The following KIAA1328 variants were observed in gnomAD, a reference collection of about 807,000 sequenced individuals.
KIAA1328 encodes KIAA1328.
A neutral mutation model predicts 68.1 loss-of-function variants in KIAA1328; 52 were observed. The observed-to-expected ratio is 0.76, with a 90% CI of 0.61 to 0.96. KIAA1328 has a LOEUF of 0.96. KIAA1328 is among the 40% of genes least tolerant of loss of function. The pLI is 0.00. For missense variants in KIAA1328, 641 were observed against 677.6 expected, an observed-to-expected ratio of 0.95 and a Z score of 0.60; for synonymous variants, 232 against 239.4, an observed-to-expected ratio of 0.97 and a Z score of 0.28.
intron 6 of KIAA1328, among the ~76,000 whole-genome samples, chr18:37,028,241 T>G (rs1418405045): frequency 6.6e-6 from 1 of 152,178 alleles, no homozygotes; most frequent in East Asian, 1.9e-4. Context: ...CTTATAGAGA[T>G]CTTTTACCTT....
chr18:37,046,468 T>G (rs2055473986), intron 6 of KIAA1328, among the ~76,000 whole-genome samples: 2 of 152,182 alleles, frequency 1.3e-5, no homozygotes, highest in Admixed American at 6.5e-5. Flanking sequence ...TGAGACTACT[T>G]AAAGCTCCTC....
chr18:37,095,699 A>G (rs2057384810), intron 7 of KIAA1328, among the ~76,000 whole-genome samples: 1 of 152,108 alleles, frequency 6.6e-6, no homozygotes, highest in Non-Finnish European at 1.5e-5. Context: ...CATAGGGCCA[A>G]TGAAATAAAA....
intron 8 of KIAA1328, among the ~76,000 whole-genome samples, chr18:37,167,317 T>C (rs930514616): frequency 1.3e-5 from 2 of 152,184 alleles, no homozygotes; most frequent in Non-Finnish European, 2.9e-5. Context: ...CTCTACCTGT[T>C]GCAAGGACAG....
chr18:37,030,221 T>C (rs2054768094), intron 6 of KIAA1328, among the ~76,000 whole-genome samples: 1 of 152,126 alleles, frequency 6.6e-6, no homozygotes, highest in Non-Finnish European at 1.5e-5. Flanking sequence ...TTTTCAGTTA[T>C]AATTTGCATT....
At chr18:36,894,885 C>G (rs1012492178) in intron 5 of KIAA1328, among the ~76,000 whole-genome samples, 5 of 152,028 alleles carry the variant, frequency 3.3e-5, no homozygotes, top group African/African-American at 1.2e-4. Context: ...CTTCTTATGG[C>G]CTAAAGGACC....
rs564464137 is a variant in KIAA1328, at chr18:36,969,203, C to T, written c.576+9768C>T. On this transcript the variant is annotated intron_variant, in intron 6 of 9. Coordinates refer to ENST00000280020, the MANE Select transcript of KIAA1328 (RefSeq NM_020776.3). Reference sequence around the variant, plus strand: ...AAAAGTTAGAAAGACCTCAGATTAACAACGTAACATCACAACTAAAAGAAC... The same window carrying T: ...AAAAGTTAGAAAGACCTCAGATTAATAACGTAACATCACAACTAAAAGAAC... Among the ~76,000 whole-genome samples the T allele has an allele frequency of 2.4e-4, 36 of 152,166 alleles. 1 individual carries two copies. Among genetic ancestry groups the T allele is most frequent in the South Asian group, 1.7e-3 (8 of 4,826 alleles).
chr18:37,044,811 A>T (rs910622951), intron 6 of KIAA1328, among the ~76,000 whole-genome samples: 3 of 151,958 alleles, frequency 2.0e-5, no homozygotes, highest in African/African-American at 7.2e-5. Flanking sequence ...AAAAAAAAAA[A>T]AAAATTCAAA....
intron 7 of KIAA1328, among the ~76,000 whole-genome samples, chr18:37,102,115 A>C (rs323290): frequency 0.27 from 40,531 of 152,130 alleles, 8,495 homozygotes; most frequent in African/African-American, 0.59. Flanking sequence ...AGACAATACT[A>C]GCAAAACAAA....
intron 6 of KIAA1328, among the ~76,000 whole-genome samples, chr18:37,008,334 A>C (rs1276277059): frequency 6.6e-6 from 1 of 152,236 alleles, no homozygotes; most frequent in Admixed American, 6.5e-5. Flanking sequence ...AACTGAACTC[A>C]AATTAGAACC....
chr18:37,108,983 G>T (rs1253399186), intron 7 of KIAA1328, among the ~76,000 whole-genome samples: 3 of 135,420 alleles, frequency 2.2e-5, no homozygotes, highest in Admixed American at 1.8e-4. Context: ...CTGTGTCCAT[G>T]TGTTCTCATT....
intron 7 of KIAA1328, among the ~76,000 whole-genome samples, chr18:37,093,453 T>TA (rs2057321280): frequency 6.6e-6 from 1 of 152,004 alleles, no homozygotes; most frequent in African/African-American, 2.4e-5. Context: ...ATCAGTATCA[T>TA]AAAAAAGAAC....
intron 7 of KIAA1328, among the ~76,000 whole-genome samples, chr18:37,138,509 A>G (rs2058694213): frequency 6.6e-6 from 1 of 152,230 alleles, no homozygotes; most frequent in South Asian, 2.1e-4. Context: ...AAGTAAATTA[A>G]TCACTATGAT....
At chr18:37,073,455 G>A (rs932082299) in intron 7 of KIAA1328, among the ~76,000 whole-genome samples, 5 of 152,160 alleles carry the variant, frequency 3.3e-5, no homozygotes, top group Non-Finnish European at 5.9e-5. Flanking sequence ...ACCACAATGC[G>A]ATACCATCTC....
intron 6 of KIAA1328, among the ~76,000 whole-genome samples, chr18:36,999,692 A>AG (rs1263296727): frequency 6.6e-5 from 10 of 152,192 alleles, no homozygotes; most frequent in Non-Finnish European, 1.5e-4. Flanking sequence ...GTCCTCATAA[A>AG]GGAAGGATAA....
At chr18:37,038,751 G>C (rs989873791) in intron 6 of KIAA1328, among the ~76,000 whole-genome samples, 5 of 151,972 alleles carry the variant, frequency 3.3e-5, no homozygotes, top group Admixed American at 1.3e-4. Context: ...ATCAGAAGAC[G>C]TAAGAATACA....
At chr18:37,065,073 A>G (rs1216908650) in intron 6 of KIAA1328, among the ~76,000 whole-genome samples, 1 of 152,250 alleles carries the variant, frequency 6.6e-6, no homozygotes, top group East Asian at 1.9e-4. Context: ...AGCATTGAGC[A>G]AATAAGCTTC....
At chr18:36,906,497 C>T (rs754582082) in intron 5 of KIAA1328, among the ~76,000 whole-genome samples, 3 of 151,948 alleles carry the variant, frequency 2.0e-5, no homozygotes, top group Non-Finnish European at 4.4e-5. Context: ...ATTTAAAATT[C>T]GTCTATATTT....
intron 5 of KIAA1328, among the ~76,000 whole-genome samples, chr18:36,949,896 G>A (rs915276559): frequency 1.3e-5 from 2 of 152,078 alleles, no homozygotes; most frequent in South Asian, 2.1e-4. Flanking sequence ...TTCATACACC[G>A]AATTTGCCAT....
intron 7 of KIAA1328, among the ~76,000 whole-genome samples, chr18:37,158,231 G>A (rs1218453230): frequency 6.6e-6 from 1 of 152,024 alleles, no homozygotes; most frequent in Non-Finnish European, 1.5e-5. Context: ...TAGTGATGGG[G>A]TCTTGCTGTG....
Sources: allele counts gnomAD v4.1 joint callset (sites outside exome capture counted in the v4.1 genomes callset), GRCh38; gene constraint gnomAD v4.1.1; transcripts MANE v1.5; gene names NCBI Gene and HGNC (gene_info 2026-07-23, HGNC 2026-07-21).